Variants in FANCM observed in about 807,000 individuals in gnomAD.
FANCM encodes the protein Fanconi anemia group M protein.
In FANCM, 140 loss-of-function variants were observed where a neutral mutation model predicts 199.5. The ratio of observed to expected loss-of-function variants is 0.70; its 90% CI spans 0.61 to 0.81. FANCM has a LOEUF of 0.81. Among genes scored for constraint, FANCM ranks in the 30% least tolerant of loss-of-function variants. FANCM has a pLI of 0.00. For synonymous variants in FANCM, 840 were observed against 836.8 expected, an observed-to-expected ratio of 1.00 and a Z score of -0.07; for missense variants, 2,410 against 2,421.4, an observed-to-expected ratio of 1.00 and a Z score of 0.10.
At chr14:45,163,078 A>G (rs935396587) in intron 9 of FANCM, among the ~76,000 whole-genome samples, 3 of 152,354 alleles carry the variant, frequency 2.0e-5, no homozygotes, top group East Asian at 1.9e-4. Context: ...AACATAATAC[A>G]TTTATATTTA....
chr14:45,171,535 C>T (rs1467281648), intron 12 of FANCM, among the ~76,000 whole-genome samples: 1 of 152,030 alleles, frequency 6.6e-6, no homozygotes, highest in Non-Finnish European at 1.5e-5. Flanking sequence ...GCCTTTGTGT[C>T]CTCATAGCTT....
chr14:45,177,487 G>C (rs939898729), intron 14 of FANCM, among the ~76,000 whole-genome samples: 2 of 152,100 alleles, frequency 1.3e-5, no homozygotes, highest in Admixed American at 1.3e-4. Flanking sequence ...CGCCTCCCAG[G>C]TTCAAGTGAT....
intron 9 of FANCM, among the ~76,000 whole-genome samples, chr14:45,162,240 G>A (rs1887658844): frequency 6.6e-6 from 1 of 152,180 alleles, no homozygotes; most frequent in Non-Finnish European, 1.5e-5. Flanking sequence ...ACAAAAATTA[G>A]CCAGGCATGG....
intron 11 of FANCM, among the ~76,000 whole-genome samples, chr14:45,170,128 A>T (rs112722779): frequency 0.013 from 1,997 of 152,326 alleles, 58 homozygotes; most frequent in African/African-American, 0.046. Flanking sequence ...ACTGAGAGCC[A>T]AGGTACCTGG....
chr14:45,181,365 AG>A, intron 14 of FANCM, 64 bp from the exon 15 acceptor site: 1 of 846,652 alleles, frequency 1.2e-6, no homozygotes, highest in Non-Finnish European at 2.0e-6. Flanking sequence ...TCAATAAAAT[AG>A]ATTGTTATGA....
chr14:45,182,075 A>G (rs1336165663), intron 16 of FANCM, among the ~76,000 whole-genome samples: 2 of 152,216 alleles, frequency 1.3e-5, no homozygotes, highest in Non-Finnish European at 2.9e-5. Context: ...AATAGGAGAG[A>G]CAGAGAAGTA....
intron 20 of FANCM, 82 bp downstream of exon 20, chr14:45,189,444 T>A: frequency 8.9e-7 from 1 of 1,118,182 alleles, no homozygotes; most frequent in Non-Finnish European, 1.3e-6. Context: ...TGTTTTGTAT[T>A]AAATAACTAG....
At chr14:45,163,409 ACCT>A in intron 9 of FANCM, among the ~76,000 whole-genome samples, 1 of 152,174 alleles carries the variant, frequency 6.6e-6, no homozygotes, top group Non-Finnish European at 1.5e-5. Flanking sequence ...CTTAATTACC[ACCT>A]CCACCACTCC....
chr14:45,189,718 C>T (rs969382738), intron 20 of FANCM, among the ~76,000 whole-genome samples: 1 of 152,084 alleles, frequency 6.6e-6, no homozygotes, highest in East Asian at 1.9e-4. Context: ...CCTGTAATCC[C>T]AGCACTCTGG....
At chr14:45,148,809 A>G in intron 3 of FANCM, 28 bp from the exon 4 acceptor site, 2 of 1,548,874 alleles carry the variant, frequency 1.3e-6, no homozygotes, top group Non-Finnish European at 1.8e-6. Context: ...CATGTAGTTT[A>G]TAATCATACT....
chr14:45,179,569 T>C (rs1237623472), intron 14 of FANCM, among the ~76,000 whole-genome samples: 1 of 136,832 alleles, frequency 7.3e-6, no homozygotes, highest in East Asian at 2.0e-4. Context: ...TTCTTTTTTT[T>C]TTTTTTTTTT....
At position 45,136,459 on chromosome 14, in the gene FANCM, C is replaced by T. The variant is rs1343595247; in HGVS notation, c.428C>T (p.Thr143Met). 1 of 1,614,168 alleles carries T rather than the reference C, an allele frequency of 6.2e-7. No homozygotes were observed. The highest frequency in any genetic ancestry group is 1.7e-5 in the Admixed American group (1 of 60,022). Residue 143 changes from threonine to methionine, a missense_variant, in exon 1 of 23, where the codon ACG becomes ATG. Thr to Met is a moderately conservative substitution (Grantham distance 81). Coordinates refer to ENST00000267430, the MANE Select transcript of FANCM (RefSeq NM_020937.4). ...GGAAAGGTGGTCTTCATGGCCCCAA[C>T]GAAACCCTTGGTGACACAGCAGATC... ...PSGKVVFMAP[T>M]KPLVTQQIEA... is the part of the protein sequence containing the mutation.
chr14:45,146,072 G>GAA (rs201857804), intron 3 of FANCM, among the ~76,000 whole-genome samples: 2 of 118,168 alleles, frequency 1.7e-5, no homozygotes, highest in South Asian at 2.8e-4. Context: ...AAAAAAAAAA[G>GAA]AAAAAAAAAA....
rs2139296928 is a variant in FANCM at position 45,189,107 on chromosome 14, TAAG to T, written c.5091_5093del (p.Lys1697del). 1.2e-6 allele frequency: 2 copies of T among 1,614,198 alleles called. No homozygotes were observed. Among genetic ancestry groups the T allele is most frequent in the Non-Finnish European group, 1.7e-6 (2 of 1,180,008 alleles). On this transcript the variant is annotated inframe_deletion, in exon 20 of 23. Coordinates refer to ENST00000267430, the MANE Select transcript of FANCM (RefSeq NM_020937.4). ...ATATTGCGGTTAACCCAAGCACTGT[TAAG>T]AAGAACAAACAACAGGACCATTGTT...
intron 5 of FANCM, among the ~76,000 whole-genome samples, chr14:45,152,884 G>A (rs1340716837): frequency 1.3e-5 from 2 of 152,058 alleles, no homozygotes; most frequent in Non-Finnish European, 2.9e-5. Context: ...CAAAATTATA[G>A]TATATTATTA....
At chr14:45,145,446 A>G (rs910404705) in intron 3 of FANCM, among the ~76,000 whole-genome samples, 11 of 152,038 alleles carry the variant, frequency 7.2e-5, no homozygotes, top group African/African-American at 2.7e-4. Flanking sequence ...GCTGGTCTAA[A>G]TTCTCCTTCT....
chr14:45,177,676 G>A (rs1172782670), intron 14 of FANCM, among the ~76,000 whole-genome samples: 1 of 152,152 alleles, frequency 6.6e-6, no homozygotes, highest in East Asian at 1.9e-4. Flanking sequence ...ACATGTGTGA[G>A]CCACTGCGCC....
intron 3 of FANCM, among the ~76,000 whole-genome samples, chr14:45,144,271 T>G (rs1287776864): frequency 4.6e-5 from 7 of 152,102 alleles, no homozygotes; most frequent in Admixed American, 3.3e-4. Flanking sequence ...TAGATCTTAT[T>G]TATTCTATTT....
At chr14:45,178,789 C>T (rs1888871670) in intron 14 of FANCM, among the ~76,000 whole-genome samples, 1 of 152,148 alleles carries the variant, frequency 6.6e-6, no homozygotes, top group Non-Finnish European at 1.5e-5. Flanking sequence ...TATTTGTTAT[C>T]TATTGCTGTT....
Sources: allele counts gnomAD v4.1 joint callset (sites outside exome capture counted in the v4.1 genomes callset), GRCh38; gene constraint gnomAD v4.1.1; transcripts MANE v1.5; gene names NCBI Gene and HGNC (gene_info 2026-07-23, HGNC 2026-07-21).